Variants in LRRC37A3 observed in about 807,000 individuals in gnomAD.
LRRC37A3 encodes leucine-rich repeat-containing protein 37A3.
LRRC37A3 carries 25 observed loss-of-function variants against 106.2 expected under a neutral mutation model. That is an observed-to-expected ratio of 0.24 (90% CI 0.17 to 0.33). The LOEUF is 0.33. LRRC37A3 is among the 10% of genes least tolerant of loss of function. The pLI, the probability that LRRC37A3 is intolerant of heterozygous loss-of-function variation, is 1.00. For synonymous variants in LRRC37A3, 305 were observed against 635.8 expected (o/e 0.48, Z 7.83); for missense variants, 712 against 1,644.9 (o/e 0.43, Z 9.81).
intron 10 of LRRC37A3, among the ~76,000 whole-genome samples, chr17:64,868,028 C>T (rs1973176655): frequency 6.6e-6 from 1 of 151,862 alleles, no homozygotes; most frequent in African/African-American, 2.4e-5. Context: ...GAGCCTAGGT[C>T]ATGCCGCTGC....
chr17:64,910,243 G>A (rs1287354667), intron 2 of LRRC37A3: 4 of 152,274 alleles, frequency 2.6e-5, no homozygotes, highest in African/African-American at 9.6e-5. Context: ...AGTTTTCAAG[G>A]CTGGGCTCAA....
chr17:64,905,065 T>C (rs1298572137), intron 2 of LRRC37A3, among the ~76,000 whole-genome samples: 1 of 150,834 alleles, frequency 6.6e-6, no homozygotes, highest in Non-Finnish European at 1.5e-5. Context: ...AATAAATCAA[T>C]GTATTAAATA....
chr17:64,867,331 G>A (rs1309978489), intron 10 of LRRC37A3, among the ~76,000 whole-genome samples: 1 of 149,292 alleles, frequency 6.7e-6, no homozygotes, highest in African/African-American at 2.5e-5. Context: ...GAGTAGCTGG[G>A]ATTACAGGCA....
Position 64,895,364 on chromosome 17 carries a change from T to G in LRRC37A3, c.1894A>C (p.Lys632Gln). Residue 632 changes from lysine (K) to glutamine (Q), a missense_variant, in exon 4 of 15, where the codon AAG becomes CAG. Lys to Gln is a moderately conservative substitution (Grantham distance 53, BLOSUM62 1). Transcript: ENST00000584306. ...TTEVGHSTPPKRTIVSPKHPE... is the reference protein window; with the variant it reads ...TTEVGHSTPPQRTIVSPKHPE... Reference sequence around the variant, plus strand: ...TGCTTTGGAGAAACTATAGTCCTCTTCGGGGGTGTAGAATGTCCAACCTCC... The same window carrying G: ...TGCTTTGGAGAAACTATAGTCCTCTGCGGGGGTGTAGAATGTCCAACCTCC... 1 of 1,309,560 alleles carries G rather than the reference T, an allele frequency of 7.6e-7. No individual in the cohort carries two copies. Among genetic ancestry groups the G allele is most frequent in the Non-Finnish European group, 1.1e-6 (1 of 917,848 alleles). The allele number at this position is 1,309,560 out of a possible 1,614,324, so 81.1% of individuals were successfully genotyped here.
At position 64,882,004 on chromosome 17, in the gene LRRC37A3, ACTAAGAG is replaced by A. The variant is rs1291835807; in HGVS notation, c.2906+4075_2906+4081del. ...ATCATTCAGCTCCTATTACAGGGGA[ACTAAGAG>A]CTGCATTGAAAATTATTTGCAAAGC... On this transcript the variant is annotated intron_variant, in intron 8 of 14. Transcript: ENST00000584306. Among the ~76,000 whole-genome samples the A allele has an allele frequency of 1.7e-4, 26 of 150,500 alleles. No homozygotes were observed. The South Asian group carries it at 5.5e-3, about 32-fold the overall frequency.
At chr17:64,918,990 C>T (rs1202808267) in intron 1 of LRRC37A3, 120 bp from the exon 2 acceptor site, 3 of 1,218,114 alleles carry the variant, frequency 2.5e-6, no homozygotes, top group South Asian at 4.0e-5. Context: ...CCGCCTCCCC[C>T]CGGCCGGGGC....
intron 8 of LRRC37A3, among the ~76,000 whole-genome samples, chr17:64,879,499 G>C (rs1973621150): frequency 6.6e-6 from 1 of 152,132 alleles, no homozygotes; most frequent in Non-Finnish European, 1.5e-5. Flanking sequence ...AGCTTGTCCT[G>C]CCTTGTGATC....
At chr17:64,856,932 C>A (rs1972696545) in intron 13 of LRRC37A3, among the ~76,000 whole-genome samples, 2 of 151,796 alleles carry the variant, frequency 1.3e-5, no homozygotes, top group African/African-American at 2.4e-5. Context: ...TTACAGTGAG[C>A]TAGATCACAC....
chr17:64,878,533 A>G (rs926748199), intron 8 of LRRC37A3, among the ~76,000 whole-genome samples: 2 of 152,258 alleles, frequency 1.3e-5, no homozygotes, highest in Admixed American at 6.5e-5. Flanking sequence ...ATTTGAATAA[A>G]TATTTCTTCA....
At chr17:64,868,365 T>A (rs1047146335) in intron 10 of LRRC37A3, 97 bp downstream of exon 10, 3 of 1,180,934 alleles carry the variant, frequency 2.5e-6, no homozygotes, top group South Asian at 2.8e-5. Flanking sequence ...TGTTACTATA[T>A]GAAAATTATA....
intron 8 of LRRC37A3, among the ~76,000 whole-genome samples, chr17:64,874,564 C>T (rs1973442038): frequency 6.6e-6 from 1 of 152,184 alleles, no homozygotes; most frequent in Admixed American, 6.5e-5. Context: ...GTGAGGAGCC[C>T]CTCTGCCCGG....
At chr17:64,880,808 T>G (rs1850601294) in intron 8 of LRRC37A3, among the ~76,000 whole-genome samples, 2 of 152,052 alleles carry the variant, frequency 1.3e-5, no homozygotes, top group Admixed American at 6.6e-5. Flanking sequence ...CAGGTCCAGA[T>G]AGATGGGCTA....
intron 13 of LRRC37A3, among the ~76,000 whole-genome samples, chr17:64,857,075 A>C (rs1451915275): frequency 1.3e-5 from 2 of 152,240 alleles, no homozygotes; most frequent in African/African-American, 2.4e-5. Flanking sequence ...AACTATCATT[A>C]TTTGCATACT....
At chr17:64,859,034 C>G in intron 12 of LRRC37A3, 151 bp from the exon 13 acceptor site, 1 of 660,600 alleles carries the variant, frequency 1.5e-6, no homozygotes, top group Middle Eastern at 4.1e-4. Context: ...ATTCACTAGA[C>G]TCGACCTCCC....
In LRRC37A3 at chr17:64,876,456, A is replaced by AT. The variant is rs548987006; in HGVS notation, c.2907-7291dup. Among the ~76,000 whole-genome samples the AT allele has an allele frequency of 2.3e-3, 345 of 152,336 alleles. 1 individual carries two copies. The highest frequency in any genetic ancestry group is 7.8e-3 in the African/African-American group (323 of 41,578). On this transcript the variant is annotated intron_variant, in intron 8 of 14. Transcript: ENST00000584306. ...CACCGCAGCCTCCCAAAGTGCTAGG[A>AT]TGACAGGTGTGAGCCACTGCACTGC...
chr17:64,871,496 A>G (rs1462030890), intron 8 of LRRC37A3: 2 of 151,644 alleles, frequency 1.3e-5, no homozygotes, highest in African/African-American at 4.9e-5. Context: ...TTTAAGAGAC[A>G]CATTCTCACT....
At chr17:64,893,627 T>C (rs1974026563) in intron 4 of LRRC37A3, among the ~76,000 whole-genome samples, 1 of 137,506 alleles carries the variant, frequency 7.3e-6, no homozygotes. Context: ...TTTATGCCTA[T>C]TCTCTTTCTT....
intron 2 of LRRC37A3, among the ~76,000 whole-genome samples, chr17:64,917,378 G>A (rs1398822619): frequency 6.6e-6 from 1 of 151,112 alleles, no homozygotes. Context: ...AGTTTTGGCA[G>A]TTTCTTATAA....
At chr17:64,856,253 G>A (rs1299180320) in intron 13 of LRRC37A3, among the ~76,000 whole-genome samples, 2 of 152,138 alleles carry the variant, frequency 1.3e-5, no homozygotes, top group Non-Finnish European at 2.9e-5. Context: ...GTCATTCTCT[G>A]TTACTCAGGA....
Sources: allele counts gnomAD v4.1 joint callset (sites outside exome capture counted in the v4.1 genomes callset), GRCh38; gene constraint gnomAD v4.1.1; transcripts MANE v1.5; gene names NCBI Gene and HGNC (gene_info 2026-07-23, HGNC 2026-07-21).